The following SLC25A40 variants were observed in gnomAD, a reference collection of about 807,000 sequenced individuals.
The protein encoded by SLC25A40 is mitochondrial glutathione transporter SLC25A40.
A neutral mutation model predicts 46.5 loss-of-function variants in SLC25A40; 41 were observed. That is an observed-to-expected ratio of 0.88 (90% CI 0.69 to 1.14). The LOEUF (loss-of-function observed/expected upper bound fraction) is 1.14, where lower values mean the gene tolerates loss of function less well. SLC25A40 is among the 50% of genes most tolerant of loss of function. The probability of loss-of-function intolerance (pLI) is 0.00; values close to 1 mark genes in which losing one functional copy is unlikely to be tolerated. For missense variants in SLC25A40, 386 were observed against 393.6 expected (o/e 0.98, Z 0.16); for synonymous variants, 126 against 127.5 (o/e 0.99, Z 0.08).
chr7:87,869,536 CAAA>C (rs57979424), intron 1 of SLC25A40, among the ~76,000 whole-genome samples: 1 of 135,962 alleles, frequency 7.4e-6, no homozygotes. Flanking sequence ...GACCCTGTTC[CAAA>C]AAAAAAAAAA....
chr7:87,855,008 A>T (rs1435290674), intron 4 of SLC25A40, among the ~76,000 whole-genome samples: 6 of 151,886 alleles, frequency 4.0e-5, no homozygotes, highest in Non-Finnish European at 8.8e-5. Flanking sequence ...AAAAAATTTT[A>T]AAAATCAGCT....
At chr7:87,845,288 G>A (rs560376408) in intron 8 of SLC25A40, among the ~76,000 whole-genome samples, 4 of 152,116 alleles carry the variant, frequency 2.6e-5, no homozygotes, top group Non-Finnish European at 5.9e-5. Flanking sequence ...AGGGGTCCAC[G>A]ACCCCAGGGC....
rs926672582 is a variant in SLC25A40, at chr7:87,836,067, C to G, written c.*182G>C. The stretch of plus-strand genomic sequence containing the variant: ...TTCTAGAATATCTTTTTCAATATCA[C>G]CAAAAATAAGATAAAATTTATTTTA... On this transcript the variant is annotated 3_prime_UTR_variant, in exon 12 of 12. Coordinates refer to ENST00000341119, the MANE Select transcript of SLC25A40 (RefSeq NM_018843.4). The G allele has an allele frequency of 1.2e-4, 55 of 453,476 alleles. No homozygotes were observed. Among genetic ancestry groups the G allele is most frequent in the Non-Finnish European group, 2.0e-4 (53 of 258,618 alleles). The allele number at this position is 453,476 out of a possible 1,614,324, so 28.1% of individuals were successfully genotyped here.
intron 1 of SLC25A40, among the ~76,000 whole-genome samples, chr7:87,867,558 C>A (rs1017024695): frequency 6.6e-6 from 1 of 152,120 alleles, no homozygotes; most frequent in African/African-American, 2.4e-5. Flanking sequence ...GGTTGGAGAG[C>A]TCATGTACTG....
At chr7:87,873,751 T>C (rs1335291686) in intron 1 of SLC25A40, among the ~76,000 whole-genome samples, 2 of 152,144 alleles carry the variant, frequency 1.3e-5, no homozygotes, top group East Asian at 1.9e-4. Context: ...CATTTGCCCA[T>C]GGTCACAAAA....
At chr7:87,851,901 G>A (rs1205502960) in intron 5 of SLC25A40, among the ~76,000 whole-genome samples, 1 of 152,156 alleles carries the variant, frequency 6.6e-6, no homozygotes, top group African/African-American at 2.4e-5. Context: ...AGGCAGGAAA[G>A]GCAAAACAGA....
chr7:87,845,956 G>A (rs1341340183), intron 8 of SLC25A40, among the ~76,000 whole-genome samples: 1 of 152,084 alleles, frequency 6.6e-6, no homozygotes, highest in Non-Finnish European at 1.5e-5. Context: ...AATTTGAAAT[G>A]TATGTATATC....
intron 2 of SLC25A40, among the ~76,000 whole-genome samples, 169 bp downstream of exon 2, chr7:87,860,403 A>G (rs1296223841): frequency 6.6e-6 from 1 of 152,200 alleles, no homozygotes; most frequent in African/African-American, 2.4e-5. Context: ...CCATAAATAC[A>G]TCAGAATATT....
At chr7:87,850,663 G>C (rs149884256) in intron 5 of SLC25A40, among the ~76,000 whole-genome samples, 119 of 152,110 alleles carry the variant, frequency 7.8e-4, no homozygotes, top group African/African-American at 2.7e-3. Context: ...AGCTACTTGG[G>C]AGTCTGAGGT....
intron 1 of SLC25A40, among the ~76,000 whole-genome samples, chr7:87,866,654 C>A (rs1398548697): frequency 6.6e-6 from 1 of 152,184 alleles, no homozygotes. Flanking sequence ...CGCTCAGCGG[C>A]ATTCCACAGG....
intron 1 of SLC25A40, among the ~76,000 whole-genome samples, chr7:87,866,056 C>T (rs527822728): frequency 7.3e-5 from 11 of 150,774 alleles, no homozygotes; most frequent in Non-Finnish European, 1.5e-4. Flanking sequence ...GTACTCCAGC[C>T]GAGGCAATAG....
chr7:87,856,359 G>C lies in SLC25A40; in HGVS notation c.98-8C>G. ...CAACATCCAGGGGTGTCACTATGAA[G>C]ATATGTTAAGTTTCAATTAGCGAGT... On this transcript the variant is annotated splice_region_variant and splice_polypyrimidine_tract_variant and intron_variant, in intron 3 of 11. Coordinates refer to ENST00000341119, the MANE Select transcript of SLC25A40 (RefSeq NM_018843.4). 6.2e-7 allele frequency: 1 copy of C among 1,611,618 alleles called. No homozygotes were observed. The highest frequency in any genetic ancestry group is 8.5e-7 in the Non-Finnish European group (1 of 1,177,838).
chr7:87,840,773 G>A (rs1838319281), intron 10 of SLC25A40, among the ~76,000 whole-genome samples: 1 of 151,704 alleles, frequency 6.6e-6, no homozygotes, highest in Non-Finnish European at 1.5e-5. Context: ...GAGGAGAATA[G>A]GTATTTGATA....
At chr7:87,863,271 G>A (rs937461899) in intron 1 of SLC25A40, among the ~76,000 whole-genome samples, 3 of 152,112 alleles carry the variant, frequency 2.0e-5, no homozygotes, top group Non-Finnish European at 4.4e-5. Flanking sequence ...ATCCCCATGT[G>A]TCATGAGAGG....
chr7:87,862,972 A>T (rs1233927421), intron 1 of SLC25A40, among the ~76,000 whole-genome samples: 1 of 152,172 alleles, frequency 6.6e-6, no homozygotes, highest in Non-Finnish European at 1.5e-5. Flanking sequence ...GGGACTGTGG[A>T]AGCTACAATT....
At position 87,847,834 on chromosome 7, in the gene SLC25A40, A is replaced by G. The variant is rs1838444372; in HGVS notation, c.457+19T>C. On this transcript the variant is annotated intron_variant, in intron 7 of 11. Transcript: ENST00000341119. The stretch of plus-strand genomic sequence containing the variant: ...GCTCTAAACAGAAATCAAAATGAAA[A>G]TAAAGATTTATTACTCACATCTGGC... 1 of 1,585,186 alleles carries G rather than the reference A, an allele frequency of 6.3e-7. No individual in the cohort carries two copies. The highest frequency in any genetic ancestry group is 8.5e-7 in the Non-Finnish European group (1 of 1,171,732).
chr7:87,870,882 G>A (rs1409574747), intron 1 of SLC25A40, among the ~76,000 whole-genome samples: 6 of 152,068 alleles, frequency 3.9e-5, no homozygotes, highest in Non-Finnish European at 8.8e-5. Flanking sequence ...CTGGATGCCC[G>A]ACAAGAACTC....
At chr7:87,870,127 G>A (rs1269897895) in intron 1 of SLC25A40, among the ~76,000 whole-genome samples, 1 of 150,838 alleles carries the variant, frequency 6.6e-6, no homozygotes, top group Non-Finnish European at 1.5e-5. Context: ...AGATCCTTTG[G>A]TCATTTTTAA....
intron 10 of SLC25A40, among the ~76,000 whole-genome samples, chr7:87,837,833 C>A (rs1046175574): frequency 1.3e-5 from 2 of 151,368 alleles, no homozygotes; most frequent in Non-Finnish European, 3.0e-5. Context: ...CAATCCTATA[C>A]TGCCCTCTCT....
Sources: allele counts gnomAD v4.1 joint callset (sites outside exome capture counted in the v4.1 genomes callset), GRCh38; gene constraint gnomAD v4.1.1; transcripts MANE v1.5; gene names NCBI Gene and HGNC (gene_info 2026-07-23, HGNC 2026-07-21).